The following PARD3 variants were observed in gnomAD, a reference collection of about 807,000 sequenced individuals.
PARD3 encodes partitioning defective 3 homolog.
PARD3 carries 75 observed loss-of-function variants against 155.4 expected under a neutral mutation model. The ratio of observed to expected loss-of-function variants is 0.48; its 90% CI spans 0.40 to 0.58. The LOEUF is 0.58. Among genes scored for constraint, PARD3 ranks in the 20% least tolerant of loss-of-function variants. PARD3 has a pLI of 0.00. For missense variants in PARD3, 1,642 were observed against 1,721.7 expected (o/e 0.95, Z 0.82); for synonymous variants, 576 against 610.5 (o/e 0.94, Z 0.83).
intron 3 of PARD3, among the ~76,000 whole-genome samples, chr10:34,514,283 C>T (rs1400680343): frequency 6.6e-6 from 1 of 152,164 alleles, no homozygotes; most frequent in Non-Finnish European, 1.5e-5. Context: ...TTAAGCAAAT[C>T]TCTACATATT....
intron 2 of PARD3, among the ~76,000 whole-genome samples, chr10:34,540,552 G>A (rs558736235): frequency 1.3e-5 from 2 of 152,274 alleles, no homozygotes; most frequent in South Asian, 2.1e-4. Context: ...GCTTGGGCCC[G>A]GGAGACAGGA....
At chr10:34,117,452 AG>A (rs1165100249) in intron 24 of PARD3, among the ~76,000 whole-genome samples, 2 of 147,804 alleles carry the variant, frequency 1.4e-5, no homozygotes, top group African/African-American at 4.9e-5. Flanking sequence ...GGGAGGGGGC[AG>A]GGGGGTAGCG....
intron 22 of PARD3, among the ~76,000 whole-genome samples, chr10:34,255,873 T>C (rs1348105): frequency 0.54 from 82,015 of 152,010 alleles, 22,473 homozygotes; most frequent in Middle Eastern, 0.66. Flanking sequence ...CACTATTAAG[T>C]ACATTTTTCT....
At chr10:34,293,225 T>C (rs994659453) in intron 20 of PARD3, among the ~76,000 whole-genome samples, 4 of 152,224 alleles carry the variant, frequency 2.6e-5, no homozygotes, top group African/African-American at 9.6e-5. Context: ...AGTGAAAGCA[T>C]ATCTTAATTA....
intron 1 of PARD3, among the ~76,000 whole-genome samples, chr10:34,762,168 T>A (rs969866200): frequency 6.6e-6 from 1 of 152,072 alleles, no homozygotes; most frequent in Non-Finnish European, 1.5e-5. Flanking sequence ...AGGTTCAGGT[T>A]CTAAAACAAA....
chr10:34,493,858 T>A (rs1173256348), intron 3 of PARD3, among the ~76,000 whole-genome samples: 1 of 152,212 alleles, frequency 6.6e-6, no homozygotes, highest in Non-Finnish European at 1.5e-5. Flanking sequence ...TATTAGTATC[T>A]ACACACATGA....
Position 34,605,948 on chromosome 10 carries a change from C to CTA in PARD3, c.223-88791_223-88790dup, listed in dbSNP as rs1165591344. Among the ~76,000 whole-genome samples, 88 of 84,032 alleles carry CTA rather than the reference C, an allele frequency of 1.0e-3. 20 individuals carry two copies. Among genetic ancestry groups the CTA allele is most frequent in the Admixed American group, 6.5e-3 (49 of 7,552 alleles). The allele number at this position is 84,032 out of a possible 152,430, so 55.1% of individuals were successfully genotyped here. On this transcript the variant is annotated intron_variant, in intron 2 of 24. Transcript: ENST00000374788. ...TATATCTCCTATATATATATATCTC[C>CTA]TATATATATATATCTCCTATATCTA...
chr10:34,773,603 C>G (rs1483104765), intron 1 of PARD3, among the ~76,000 whole-genome samples: 1 of 152,228 alleles, frequency 6.6e-6, no homozygotes, highest in Non-Finnish European at 1.5e-5. Context: ...CACCAGGCCA[C>G]TGTGACTTTG....
intron 22 of PARD3, among the ~76,000 whole-genome samples, chr10:34,209,555 G>T (rs1352303722): frequency 6.6e-6 from 1 of 152,174 alleles, no homozygotes; most frequent in Non-Finnish European, 1.5e-5. Flanking sequence ...TATAAATGGA[G>T]AAAAATATTC....
At chr10:34,210,546 T>C (rs965380375) in intron 22 of PARD3, among the ~76,000 whole-genome samples, 15 of 152,122 alleles carry the variant, frequency 9.9e-5, no homozygotes, top group African/African-American at 3.4e-4. Context: ...GGAGAAGAGA[T>C]ACATCCGGCG....
At chr10:34,543,377 G>A (rs1216915182) in intron 2 of PARD3, among the ~76,000 whole-genome samples, 1 of 151,932 alleles carries the variant, frequency 6.6e-6, no homozygotes, top group Non-Finnish European at 1.5e-5. Flanking sequence ...TAAATGAGAA[G>A]AGGACTGAAA....
chr10:34,785,691 C>T (rs1840873765), intron 1 of PARD3, among the ~76,000 whole-genome samples: 1 of 152,150 alleles, frequency 6.6e-6, no homozygotes, highest in Non-Finnish European at 1.5e-5. Flanking sequence ...GAGCAGAGAT[C>T]ACATCACTAA....
intron 22 of PARD3, among the ~76,000 whole-genome samples, chr10:34,139,912 C>A (rs1223922399): frequency 2.0e-5 from 3 of 152,292 alleles, no homozygotes; most frequent in Admixed American, 6.5e-5. Context: ...AGGTAAACAA[C>A]CTGCTTCCCA....
chr10:34,627,141 C>T (rs2092017756), intron 2 of PARD3, among the ~76,000 whole-genome samples: 1 of 151,992 alleles, frequency 6.6e-6, no homozygotes, highest in African/African-American at 2.4e-5. Flanking sequence ...GATCCTCCTG[C>T]CTTAGCCTCC....
At chr10:34,288,672 G>C (rs1026983476) in intron 20 of PARD3, among the ~76,000 whole-genome samples, 8 of 152,120 alleles carry the variant, frequency 5.3e-5, no homozygotes, top group Non-Finnish European at 1.2e-4. Context: ...CAAAAACCTG[G>C]AAGATATCAA....
chr10:34,284,494 A>G (rs1956295452), intron 20 of PARD3, among the ~76,000 whole-genome samples: 1 of 152,164 alleles, frequency 6.6e-6, no homozygotes, highest in South Asian at 2.1e-4. Context: ...CCTTTAGCAA[A>G]ACAAAAACAA....
chr10:34,606,255 C>T (rs2090426809), intron 2 of PARD3, among the ~76,000 whole-genome samples: 1 of 145,690 alleles, frequency 6.9e-6, no homozygotes, highest in African/African-American at 2.5e-5. Flanking sequence ...CAGCGTATGT[C>T]TACAGATGTG....
At chr10:34,534,352 G>A (rs1030244520) in intron 2 of PARD3, among the ~76,000 whole-genome samples, 3 of 152,040 alleles carry the variant, frequency 2.0e-5, no homozygotes, top group African/African-American at 7.2e-5. Context: ...ATGGAAAGAG[G>A]TGAGTTCCAC....
chr10:34,278,081 C>G (rs1385386780), intron 21 of PARD3, among the ~76,000 whole-genome samples: 1 of 152,084 alleles, frequency 6.6e-6, no homozygotes, highest in Non-Finnish European at 1.5e-5. Flanking sequence ...GGGTCTTACT[C>G]TGTTGCCCAG....
Sources: gnomAD v4.1 joint callset for allele counts (sites outside exome capture counted in the v4.1 genomes callset) on GRCh38, gnomAD v4.1.1 for gene constraint, MANE v1.5 for transcripts, NCBI Gene and HGNC (gene_info 2026-07-23, HGNC 2026-07-21) for gene names.